Variants in BAHCC1 observed in about 807,000 individuals in gnomAD.
BAHCC1 encodes the protein BAH domain and coiled-coil containing 1.
A neutral mutation model predicts 88.2 loss-of-function variants in BAHCC1; 43 were observed. That is an observed-to-expected ratio of 0.49 (90% CI 0.38 to 0.63). The LOEUF (loss-of-function observed/expected upper bound fraction) is 0.63, where lower values mean the gene tolerates loss of function less well. Among genes scored for constraint, BAHCC1 ranks in the 20% least tolerant of loss-of-function variants. The pLI is 0.00. For missense variants in BAHCC1, 3,023 were observed against 1,654.8 expected, an observed-to-expected ratio of 1.83 and a Z score of -14.34; for synonymous variants, 1,510 against 745.5, an observed-to-expected ratio of 2.03 and a Z score of -16.71.
At chr17:81,454,735 C>G (rs1378400509) in intron 14 of BAHCC1, among the ~76,000 whole-genome samples, 1 of 152,210 alleles carries the variant, frequency 6.6e-6, no homozygotes, top group African/African-American at 2.4e-5. Context: ...AAGCCCTGCC[C>G]CAGACTCAGA....
intron 2 of BAHCC1, chr17:81,406,984 A>C: frequency 2.2e-6 from 1 of 456,314 alleles, no homozygotes; most frequent in South Asian, 1.5e-5. Context: ...GGGAGGGACA[A>C]ACAGGTGGGC....
Position 81,461,482 on chromosome 17 carries a change from G to A in BAHCC1, c.6819G>A (p.Lys2273=), listed in dbSNP as rs1555659359. 1.3e-6 allele frequency: 1 copy of A among 744,806 alleles called. No homozygotes were observed. The allele number at this position is 744,806 out of a possible 1,614,324, so 46.1% of individuals were successfully genotyped here. ...PPLPMGLALR[K]YAGQAEFPLP... is the part of the protein sequence containing the mutation. The stretch of plus-strand genomic sequence containing the variant: ...TGCCCATGGGGCTGGCGCTGCGCAA[G>A]TACGCGGGCCAGGCAGAGTTCCCGC... Residue 2273 remains lysine, a synonymous_variant, in exon 26 of 28, where the codon AAG becomes AAA. Transcript: ENST00000675386.
chr17:81,449,573 G>A (rs1332059110), intron 11 of BAHCC1, among the ~76,000 whole-genome samples: 1 of 152,134 alleles, frequency 6.6e-6, no homozygotes, highest in Non-Finnish European at 1.5e-5. Flanking sequence ...GGCACAGAGG[G>A]GCTTCTGGCC....
chr17:81,459,875 A>AG (rs1252385282), intron 23 of BAHCC1, among the ~76,000 whole-genome samples: 1 of 152,068 alleles, frequency 6.6e-6, no homozygotes, highest in African/African-American at 2.4e-5. Flanking sequence ...AGAGTACGTC[A>AG]GGGGGCACCA....
chr17:81,417,300 T>TGGTTGCATTCCCAC lies in BAHCC1; in HGVS notation c.179-9498_179-9485dup, dbSNP rs1269722814. 6.6e-5 allele frequency among the ~76,000 whole-genome samples: 10 copies of TGGTTGCATTCCCAC among 152,204 alleles called. No individual in the cohort carries two copies. In the East Asian group the frequency reaches 1.2e-3, roughly 18 times the overall value. ...GCCGAGGGAGTGGCGCTGACCACCC[T>TGGTTGCATTCCCAC]GGTTGCATTCCCACGCCCCTGGCCG... On this transcript the variant is annotated intron_variant, in intron 2 of 27. Coordinates refer to ENST00000675386, the MANE Select transcript of BAHCC1 (RefSeq NM_001377448.1).
rs1376410648 is a variant in BAHCC1 at position 81,461,656 on chromosome 17, C to T, written c.6993C>T (p.Ser2331=). 3.4e-5 allele frequency: 25 copies of T among 734,314 alleles called. No homozygotes were observed. The highest frequency in any genetic ancestry group is 1.4e-4 in the African/African-American group (8 of 58,162). 45.5% of individuals were successfully genotyped at this position (734,314 alleles called of 1,614,324 possible). Residue 2331 remains serine (S), a synonymous_variant, in exon 26 of 28, where the codon TCC becomes TCT. Coordinates refer to ENST00000675386, the MANE Select transcript of BAHCC1 (RefSeq NM_001377448.1). The part of the protein sequence containing the change: ...SGSSTSSSSG[S]VSTSSLCSSD... ...CGTCCACCTCCTCCTCCTCAGGCTC[C>T]GTGTCCACCTCCAGCCTCTGCTCCT...
Position 81,452,046 on chromosome 17 carries a change from C to T in BAHCC1, c.4255C>T (p.Gln1419Ter). Residue 1419 changes from glutamine (Q) to a stop codon, truncating the protein, a stop_gained, in exon 13 of 28, where the codon CAG becomes TAG. Transcript: ENST00000675386. LOFTEE classifies it high-confidence loss of function. ...GATGCGCGTGCGGCTGGCGGAGCTG[C>T]AGCGGCGCTACAAGGAGAAGCAGCG... ...VGMRVRLAEL[Q>*]RRYKEKQREL... is the part of the protein sequence containing the mutation. The T allele has an allele frequency of 3.2e-6, 2 of 627,940 alleles. No homozygotes were observed. The highest frequency in any genetic ancestry group is 1.9e-5 in the South Asian group (1 of 52,700). The allele number at this position is 627,940 out of a possible 1,614,324, so 38.9% of individuals were successfully genotyped here. A position where few individuals can be genotyped will look rare whatever the true frequency, so the allele number is the denominator to read the frequency against.
chr17:81,401,292 C>T (rs782362355), intron 2 of BAHCC1: 7 of 152,706 alleles, frequency 4.6e-5, no homozygotes, highest in African/African-American at 2.4e-5. Flanking sequence ...GGAGGGGTCT[C>T]CCCAGCACTT....
chr17:81,435,319 C>T lies in BAHCC1; in HGVS notation c.359-3051C>T, dbSNP rs1008417680. 7.5e-6 allele frequency: 3 copies of T among 399,382 alleles called. No individual in the cohort carries two copies. The highest frequency in any genetic ancestry group is 3.5e-5 in the South Asian group (2 of 57,314). 24.7% of individuals were successfully genotyped at this position (399,382 alleles called of 1,614,324 possible). On this transcript the variant is annotated intron_variant, in intron 3 of 27. Transcript: ENST00000675386. The surrounding 1 kb of genome is among the most constrained non-coding windows in gnomAD (Gnocchi z 4.4). ...TGTGGCTTTGAGCCTCTGTCTCCTG[C>T]AGTCTGTCCCATCACAGGACTGAGT...
Position 81,399,941 on chromosome 17 carries a change from G to A in BAHCC1, c.178+24G>A, listed in dbSNP as rs1400471094. The A allele has an allele frequency of 2.2e-6, 3 of 1,336,736 alleles. No individual in the cohort carries two copies. Among genetic ancestry groups the A allele is most frequent in the East Asian group, 3.1e-5 (1 of 32,084 alleles). The allele number at this position is 1,336,736 out of a possible 1,614,324, so 82.8% of individuals were successfully genotyped here. On this transcript the variant is annotated intron_variant, in intron 2 of 27. Transcript: ENST00000675386. This position sits in a 1 kb window ranked among gnomAD's most constrained non-coding sequence, Gnocchi z 4.5. ...AGGTCAGTGCTCGGCCGGGGCGGGCGCGGGACGGGAGCGTTCGAGAGCGGA... is the reference window on the plus strand; with the variant it reads ...AGGTCAGTGCTCGGCCGGGGCGGGCACGGGACGGGAGCGTTCGAGAGCGGA...
At chr17:81,433,043 C>T (rs2064287665) in intron 3 of BAHCC1, among the ~76,000 whole-genome samples, 1 of 150,590 alleles carries the variant, frequency 6.6e-6, no homozygotes, top group Non-Finnish European at 1.5e-5. Context: ...AGCTACCTTG[C>T]TCAGCCTGGG....
Position 81,399,500 on chromosome 17 carries a change from G to A in BAHCC1, c.-206-34G>A, listed in dbSNP as rs2143155215. On this transcript the variant is annotated intron_variant, in intron 1 of 27. Coordinates refer to ENST00000675386, the MANE Select transcript of BAHCC1 (RefSeq NM_001377448.1). This position sits in a 1 kb window ranked among gnomAD's most constrained non-coding sequence, Gnocchi z 4.5. The stretch of plus-strand genomic sequence containing the variant: ...ACCCCCGGGCGAGCCGAGCCCCCCA[G>A]TCACCCGTGTCTCCTCTGCTTTTGC... 1 of 279,620 alleles carries A rather than the reference G, an allele frequency of 3.6e-6. No individual in the cohort carries two copies. The highest frequency in any genetic ancestry group is 7.5e-6 in the Non-Finnish European group (1 of 133,568). The allele number at this position is 279,620 out of a possible 1,614,324, so 17.3% of individuals were successfully genotyped here.
chr17:81,398,241 GGAGCACGGTGGTGCACGCA>G (rs2063766305), intron 1 of BAHCC1, among the ~76,000 whole-genome samples: 1 of 152,208 alleles, frequency 6.6e-6, no homozygotes, highest in South Asian at 2.1e-4. Flanking sequence ...GGGACGCCTG[GGAGCACGGTGGTGCACGCA>G]GCTTCTATCA....
In BAHCC1 at chr17:81,464,204, A is replaced by G. The variant is rs2030542417; in HGVS notation, c.*387A>G. The G allele has an allele frequency of 3.5e-6, 1 of 285,848 alleles. No homozygotes were observed. The highest frequency in any genetic ancestry group is 4.7e-5 in the Admixed American group (1 of 21,274). 17.7% of individuals were successfully genotyped at this position (285,848 alleles called of 1,614,324 possible). A position where few individuals can be genotyped will look rare whatever the true frequency, so the allele number is the denominator to read the frequency against. ...AGGTGTGTTGTCTATTTATTTCTCT[A>G]TGTAAATATTGTATTTCTGCGGGGA... On this transcript the variant is annotated 3_prime_UTR_variant, in exon 28 of 28. Coordinates refer to ENST00000675386, the MANE Select transcript of BAHCC1 (RefSeq NM_001377448.1).
Position 81,452,049 on chromosome 17 carries a change from C to T in BAHCC1, c.4258C>T (p.Arg1420Trp), listed in dbSNP as rs782638290. Reference sequence around the variant, plus strand: ...GCGCGTGCGGCTGGCGGAGCTGCAGCGGCGCTACAAGGAGAAGCAGCGGGA... The same window carrying T: ...GCGCGTGCGGCTGGCGGAGCTGCAGTGGCGCTACAAGGAGAAGCAGCGGGA... ...GMRVRLAELQRRYKEKQRELA... is the reference protein window; with the variant it reads ...GMRVRLAELQWRYKEKQRELA... Residue 1420 changes from arginine to tryptophan, a missense_variant, in exon 13 of 28, where the codon CGG becomes TGG. Physicochemically the swap from Arg to Trp is moderately radical, Grantham distance 101. Transcript: ENST00000675386. The T allele has an allele frequency of 3.2e-6, 2 of 627,274 alleles. No homozygotes were observed. The highest frequency in any genetic ancestry group is 2.8e-6 in the Non-Finnish European group (1 of 356,522). 38.9% of individuals were successfully genotyped at this position (627,274 alleles called of 1,614,324 possible).
At chr17:81,412,525 G>A (rs963861845) in intron 2 of BAHCC1, among the ~76,000 whole-genome samples, 3 of 152,210 alleles carry the variant, frequency 2.0e-5, no homozygotes, top group Non-Finnish European at 2.9e-5. Context: ...AGGCGGCTGG[G>A]GGTCAGAGAC....
intron 2 of BAHCC1, among the ~76,000 whole-genome samples, chr17:81,418,133 G>A (rs1354972430): frequency 2.0e-5 from 3 of 152,236 alleles, no homozygotes; most frequent in East Asian, 3.8e-4. Flanking sequence ...GGCGGGCCCC[G>A]TGTCCACCAG....
At position 81,443,099 on chromosome 17, in the gene BAHCC1, T is replaced by C. The variant is rs1555653157; in HGVS notation, c.1750T>C (p.Trp584Arg). The change falls in exon 5 of 28, where the codon TGG becomes CGG. Residue 584 changes from tryptophan to arginine, a missense_variant. Physicochemically the swap from Trp to Arg is moderately radical, Grantham distance 101. Transcript: ENST00000675386. ...LGYSGPHLPP[W>R]GVQAGQGTAM... ...CTACAGTGGGCCCCACCTGCCCCCA[T>C]GGGGTGTCCAGGCAGGCCAGGGCAC... is the stretch of plus-strand genomic sequence containing the variant. The C allele has an allele frequency of 2.6e-6, 2 of 778,234 alleles. No homozygotes were observed. The highest frequency in any genetic ancestry group is 4.8e-6 in the Non-Finnish European group (2 of 417,472). The allele number at this position is 778,234 out of a possible 1,614,324, so 48.2% of individuals were successfully genotyped here.
At chr17:81,410,486 C>T (rs2063936100) in intron 2 of BAHCC1, among the ~76,000 whole-genome samples, 1 of 152,228 alleles carries the variant, frequency 6.6e-6, no homozygotes, top group African/African-American at 2.4e-5. Flanking sequence ...CAGGGGCTTG[C>T]ATGGTTTTGG....
Sources: gnomAD v4.1 joint callset for allele counts (sites outside exome capture counted in the v4.1 genomes callset) on GRCh38, gnomAD v4.1.1 for gene constraint, Gnocchi (gnomAD v3.1) non-coding constraint, MANE v1.5 for transcripts, NCBI Gene and HGNC (gene_info 2026-07-23, HGNC 2026-07-21) for gene names.